TACC1: variants seen among roughly 807,000 people sequenced by gnomAD.
TACC1 encodes transforming acidic coiled-coil containing protein 1, also known as transforming acidic coiled-coil-containing protein 1.
Under a neutral mutation model 84.4 loss-of-function variants are expected in TACC1, and 48 were observed. The ratio of observed to expected loss-of-function variants is 0.57; its 90% CI spans 0.45 to 0.72. The LOEUF is 0.72. Among genes scored for constraint, TACC1 ranks in the 30% least tolerant of loss-of-function variants. The pLI, the probability that TACC1 is intolerant of heterozygous loss-of-function variation, is 0.00. For missense variants in TACC1, 920 were observed against 973.0 expected (o/e 0.95, Z 0.72); for synonymous variants, 372 against 376.3 (o/e 0.99, Z 0.13).
At position 38,831,169 on chromosome 8, in the gene TACC1, A is replaced by C. The variant is rs1237300469; in HGVS notation, c.1705A>C (p.Thr569Pro). ...CCAGAAGATGGAAGAAGACGGGTCC[A>C]CTGTGCTTGTAAGTTCCTGAATGTG... ...TCQKMEEDGS[T>P]VLGLLESSAE... The change falls in exon 6 of 13, where the codon ACT becomes CCT. Residue 569 changes from threonine (T) to proline (P), a missense_variant. Thr to Pro is a conservative substitution (Grantham distance 38). Coordinates refer to ENST00000317827, the MANE Select transcript of TACC1 (RefSeq NM_006283.3). 1.2e-6 allele frequency: 2 copies of C among 1,614,244 alleles called. No homozygotes were observed. The highest frequency in any genetic ancestry group is 1.7e-6 in the Non-Finnish European group (2 of 1,180,040).
rs190692367 is a variant in TACC1, at chr8:38,747,273, C to T, written c.26+1780C>T. On this transcript the variant is annotated intron_variant, in intron 3 of 14. Coordinates refer to the TACC1 transcript ENST00000518415. ...TTGATGGGAATGCAAAATGGTTTGGCCACTTTGAAAGACAGTTTTGACAGT... is the reference window on the plus strand; with the variant it reads ...TTGATGGGAATGCAAAATGGTTTGGTCACTTTGAAAGACAGTTTTGACAGT... 5.3e-5 allele frequency among the ~76,000 whole-genome samples: 8 copies of T among 152,290 alleles called. No homozygotes were observed. The East Asian group carries it at 1.5e-3, about 29-fold the overall frequency.
At chr8:38,824,591 C>T (rs931346112) in intron 3 of TACC1, 3 of 152,230 alleles carry the variant, frequency 2.0e-5, no homozygotes, top group Non-Finnish European at 4.4e-5. Context: ...TTTTTTTGGT[C>T]ACAGTGGTGT....
intron 2 of TACC1, among the ~76,000 whole-genome samples, chr8:38,815,851 G>C (rs1230331425): frequency 6.6e-6 from 1 of 151,882 alleles, no homozygotes; most frequent in African/African-American, 2.4e-5. Flanking sequence ...AACTAAGCCG[G>C]ATGTGGTGGC....
At chr8:38,773,954 A>C (rs1201098317) in intron 3 of TACC1, among the ~76,000 whole-genome samples, 1 of 152,200 alleles carries the variant, frequency 6.6e-6, no homozygotes, top group Non-Finnish European at 1.5e-5. Context: ...GTAGTCAAAA[A>C]TTCACTTTTT....
At chr8:38,742,279 G>T (rs371167702) in intron 1 of TACC1, 1 of 592,794 alleles carries the variant, frequency 1.7e-6, no homozygotes, top group Non-Finnish European at 2.6e-6. Context: ...TAGGCAAAAG[G>T]TTGGAAACTT....
intron 2 of TACC1, among the ~76,000 whole-genome samples, chr8:38,798,482 G>A (rs1325992377): frequency 6.6e-6 from 1 of 152,050 alleles, no homozygotes; most frequent in Admixed American, 6.6e-5. Context: ...AGTGTAGCTG[G>A]TGCCCTGTCT....
intron 4 of TACC1, 136 bp from the exon 5 acceptor site, chr8:38,827,032 C>A: frequency 2.9e-6 from 2 of 685,722 alleles, no homozygotes; most frequent in Non-Finnish European, 2.4e-6. Context: ...TTCCTCCTTG[C>A]TTTGTACCCA....
chr8:38,827,745 G>T, intron 5 of TACC1: 1 of 244,606 alleles, frequency 4.1e-6, no homozygotes, highest in Non-Finnish European at 8.1e-6. Flanking sequence ...GGTTTATTTG[G>T]TTCATGGTTC....
At chr8:38,778,288 G>GTT (rs973853897) in intron 3 of TACC1, among the ~76,000 whole-genome samples, 1 of 151,732 alleles carries the variant, frequency 6.6e-6, no homozygotes, top group Non-Finnish European at 1.5e-5. Context: ...GTGTGTGTGT[G>GTT]TGTGTGTGTA....
intron 8 of TACC1, 165 bp from the exon 9 acceptor site, chr8:38,840,059 T>TA (rs11440274): frequency 0.33 from 62,834 of 188,760 alleles, 10,998 homozygotes; most frequent in Non-Finnish European, 0.38. Flanking sequence ...TTATATAATG[T>TA]AAAAAAAAAA....
Position 38,809,198 on chromosome 8 carries a change from A to G in TACC1, c.278-10324A>G, listed in dbSNP as rs1823481777. On this transcript the variant is annotated intron_variant, in intron 2 of 12. Transcript: ENST00000317827. ...TCCCTATCACTGATGCTAACTTTGC[A>G]TAAATCTCTTGATTCCCAGCTGCTT... Among the ~76,000 whole-genome samples, 5 of 152,212 alleles carry G rather than the reference A, an allele frequency of 3.3e-5. 1 individual carries two copies. In the South Asian group the frequency reaches 1.0e-3, roughly 32 times the overall value.
intron 6 of TACC1, among the ~76,000 whole-genome samples, chr8:38,835,388 G>C (rs553714527): frequency 5.3e-4 from 80 of 152,342 alleles, no homozygotes; most frequent in African/African-American, 1.8e-3. Context: ...TGGAACCTGA[G>C]CTTATGAAAG....
chr8:38,787,094 T>A, upstream of TACC1: 2 of 972,922 alleles, frequency 2.1e-6, no homozygotes, highest in Non-Finnish European at 2.4e-6. Flanking sequence ...GGTAGGGGGA[T>A]CCGGCGGGCG....
intron 3 of TACC1, among the ~76,000 whole-genome samples, chr8:38,765,163 C>CT (rs55673136): frequency 6.8e-4 from 99 of 145,884 alleles, no homozygotes; most frequent in South Asian, 3.0e-3. Flanking sequence ...GGCTTTGTTT[C>CT]TTTTTTTTTT....
chr8:38,778,421 A>G (rs1815275828), intron 3 of TACC1, among the ~76,000 whole-genome samples: 1 of 152,092 alleles, frequency 6.6e-6, no homozygotes, highest in Non-Finnish European at 1.5e-5. Flanking sequence ...TGTTTCCTCT[A>G]AGAAGACAGA....
At chr8:38,752,340 GT>G (rs1563264421) in intron 3 of TACC1, among the ~76,000 whole-genome samples, 1 of 152,032 alleles carries the variant, frequency 6.6e-6, no homozygotes. Context: ...ATGTGGTGGC[GT>G]GTGCCTGTAG....
At chr8:38,839,182 C>T (rs755890946) in intron 8 of TACC1, 1 of 352,392 alleles carries the variant, frequency 2.8e-6, no homozygotes, top group Non-Finnish European at 5.1e-6. Flanking sequence ...AGCCACAGCG[C>T]CTGGTCCATA....
chr8:38,801,393 A>G (rs2152074312), intron 2 of TACC1, among the ~76,000 whole-genome samples: 1 of 152,344 alleles, frequency 6.6e-6, no homozygotes, highest in South Asian at 2.1e-4. Flanking sequence ...GTTTCTGCAT[A>G]TGGTGTAAGG....
intron 1 of TACC1, among the ~76,000 whole-genome samples, chr8:38,733,753 G>T (rs765971565): frequency 4.0e-5 from 6 of 151,876 alleles, no homozygotes; most frequent in Non-Finnish European, 5.9e-5. Flanking sequence ...CCTCTCCCAG[G>T]CTCCCCTTCC....
Sources: allele counts gnomAD v4.1 joint callset (sites outside exome capture counted in the v4.1 genomes callset), GRCh38; gene constraint gnomAD v4.1.1; transcripts MANE v1.5; gene names NCBI Gene and HGNC (gene_info 2026-07-23, HGNC 2026-07-21).